LRRTM4: variants seen among roughly 807,000 people sequenced by gnomAD.
The protein encoded by LRRTM4 is leucine-rich repeat transmembrane neuronal protein 4.
LRRTM4 carries 25 observed loss-of-function variants against 47.6 expected under a neutral mutation model. That is an observed-to-expected ratio of 0.53 (90% CI 0.38 to 0.73). LRRTM4 has a LOEUF of 0.73. LRRTM4 is among the 30% of genes least tolerant of loss of function. LRRTM4 has a pLI of 0.00. For synonymous variants in LRRTM4, 311 were observed against 269.5 expected, an observed-to-expected ratio of 1.15 and a Z score of -1.51; for missense variants, 638 against 713.4, an observed-to-expected ratio of 0.89 and a Z score of 1.20.
intron 3 of LRRTM4, among the ~76,000 whole-genome samples, chr2:77,152,095 T>G (rs1002180420): frequency 6.6e-6 from 1 of 152,152 alleles, no homozygotes; most frequent in Non-Finnish European, 1.5e-5. Context: ...ATGACTGGCT[T>G]TATGCCACCT....
chr2:76,752,316 G>C (rs944727531), intron 3 of LRRTM4, among the ~76,000 whole-genome samples: 4 of 152,110 alleles, frequency 2.6e-5, no homozygotes, highest in African/African-American at 9.7e-5. Flanking sequence ...AGAAATCATG[G>C]TATTTGTCTT....
At chr2:77,299,027 T>C (rs1268191048) in intron 3 of LRRTM4, among the ~76,000 whole-genome samples, 1 of 151,986 alleles carries the variant, frequency 6.6e-6, no homozygotes, top group East Asian at 1.9e-4. Flanking sequence ...CAAAACAGTA[T>C]ACAAGAAGGT....
chr2:76,911,844 T>TTGTGTGTGTCTGTGTG (rs1020943088), intron 3 of LRRTM4, among the ~76,000 whole-genome samples: 1 of 150,726 alleles, frequency 6.6e-6, no homozygotes, highest in African/African-American at 2.5e-5. Context: ...GTGTGTATAT[T>TTGTGTGTGTCTGTGTG]TGTGTGTGTC....
In LRRTM4 at chr2:77,051,027, T is replaced by TA. The variant is rs72351086; in HGVS notation, c.1552-302112_1552-302111insT. On this transcript the variant is annotated intron_variant, in intron 3 of 3. Coordinates refer to ENST00000409884, the MANE Select transcript of LRRTM4 (RefSeq NM_001134745.3). ...AGATACTTAAAACATTTTTTTTTTT[T>TA]TAAAATAGATAACACTAAGCCTTAG... Among the ~76,000 whole-genome samples, 363 of 125,414 alleles carry TA rather than the reference T, an allele frequency of 2.9e-3. 2 individuals are homozygous for TA. Among genetic ancestry groups the TA allele is most frequent in the African/African-American group, 8.9e-3 (339 of 38,114 alleles). 82.3% of individuals were successfully genotyped at this position (125,414 alleles called of 152,430 possible).
intron 3 of LRRTM4, among the ~76,000 whole-genome samples, chr2:76,845,860 A>G (rs1167043768): frequency 2.6e-5 from 4 of 152,080 alleles, no homozygotes; most frequent in Admixed American, 1.3e-4. Context: ...GAAGTTTCAG[A>G]AGCTAGGGGT....
chr2:76,768,046 T>C (rs1418165449), intron 3 of LRRTM4, among the ~76,000 whole-genome samples: 1 of 152,214 alleles, frequency 6.6e-6, no homozygotes, highest in East Asian at 1.9e-4. Context: ...ACATAATTGA[T>C]TGATTCTTAA....
chr2:77,270,943 C>T (rs1037918185), intron 3 of LRRTM4, among the ~76,000 whole-genome samples: 6 of 152,180 alleles, frequency 3.9e-5, no homozygotes, highest in Non-Finnish European at 7.3e-5. Flanking sequence ...AACCAATCAG[C>T]ATGCAATCCC....
At chr2:77,141,478 G>A (rs561848627) in intron 3 of LRRTM4, among the ~76,000 whole-genome samples, 2 of 138,992 alleles carry the variant, frequency 1.4e-5, no homozygotes, top group African/African-American at 5.2e-5. Flanking sequence ...TCATGGGGTG[G>A]GGGGAGGGTG....
chr2:77,139,914 C>A (rs1046691048), intron 3 of LRRTM4, among the ~76,000 whole-genome samples: 1 of 152,106 alleles, frequency 6.6e-6, no homozygotes, highest in Non-Finnish European at 1.5e-5. Context: ...ATCCAACTTA[C>A]AAGGGATGTG....
At chr2:76,913,719 A>T (rs1339007034) in intron 3 of LRRTM4, among the ~76,000 whole-genome samples, 2 of 151,692 alleles carry the variant, frequency 1.3e-5, no homozygotes, top group Non-Finnish European at 2.9e-5. Context: ...TTGTATTTTC[A>T]TTAGCGATAG....
chr2:77,132,177 C>T (rs182166047), intron 3 of LRRTM4, among the ~76,000 whole-genome samples: 1 of 152,270 alleles, frequency 6.6e-6, no homozygotes, highest in Admixed American at 6.5e-5. Flanking sequence ...TGGTAACTAT[C>T]ATTCTACTCC....
At chr2:77,293,031 C>T (rs1029393280) in intron 3 of LRRTM4, among the ~76,000 whole-genome samples, 7 of 151,794 alleles carry the variant, frequency 4.6e-5, no homozygotes, top group Non-Finnish European at 8.8e-5. Context: ...GGAAATTTTT[C>T]AGTTTGACAT....
At chr2:77,446,475 T>C (rs555521924) in intron 3 of LRRTM4, among the ~76,000 whole-genome samples, 3 of 152,206 alleles carry the variant, frequency 2.0e-5, no homozygotes, top group Admixed American at 1.3e-4. Context: ...CAACAAGATA[T>C]AGCTTATATT....
At chr2:77,491,082 AAGAG>A (rs577088060) in intron 3 of LRRTM4, among the ~76,000 whole-genome samples, 25 of 152,076 alleles carry the variant, frequency 1.6e-4, no homozygotes, top group African/African-American at 5.3e-4. Flanking sequence ...GAAGATCAGA[AAGAG>A]AGAGAGAGAA....
chr2:77,369,991 C>A (rs756417800), intron 3 of LRRTM4, among the ~76,000 whole-genome samples: 5 of 151,746 alleles, frequency 3.3e-5, no homozygotes, highest in Non-Finnish European at 7.4e-5. Context: ...ATATCTTAAT[C>A]TTCATGTTGT....
At chr2:77,335,179 C>T (rs200693849) in intron 3 of LRRTM4, among the ~76,000 whole-genome samples, 2 of 152,262 alleles carry the variant, frequency 1.3e-5, no homozygotes, top group South Asian at 2.1e-4. Context: ...GGAATTTGAA[C>T]TTCTGGTGCA....
chr2:76,956,920 T>A (rs1231929888), intron 3 of LRRTM4, among the ~76,000 whole-genome samples: 2 of 151,168 alleles, frequency 1.3e-5, no homozygotes, highest in Non-Finnish European at 3.0e-5. Context: ...TTATAACTAG[T>A]AAGAAAGTTG....
intron 3 of LRRTM4, among the ~76,000 whole-genome samples, chr2:77,089,872 G>A (rs916039725): frequency 1.3e-5 from 2 of 152,066 alleles, no homozygotes; most frequent in South Asian, 2.1e-4. Flanking sequence ...ACGGTCTGAG[G>A]TGCCTGATGT....
chr2:76,858,252 C>T (rs1352050556), intron 3 of LRRTM4, among the ~76,000 whole-genome samples: 1 of 152,248 alleles, frequency 6.6e-6, no homozygotes, highest in East Asian at 1.9e-4. Flanking sequence ...TAGGCCTCAT[C>T]CAACCAGGTG....
Sources: allele counts gnomAD v4.1 joint callset (sites outside exome capture counted in the v4.1 genomes callset), GRCh38; gene constraint gnomAD v4.1.1; transcripts MANE v1.5; gene names NCBI Gene and HGNC (gene_info 2026-07-23, HGNC 2026-07-21).